ADCY9: variants seen among roughly 807,000 people sequenced by gnomAD.
ADCY9 encodes adenylate cyclase type 9.
Under a neutral mutation model 101.5 loss-of-function variants are expected in ADCY9, and 50 were observed. That is an observed-to-expected ratio of 0.49 (90% CI 0.39 to 0.62). ADCY9 has a LOEUF of 0.62. Among genes scored for constraint, ADCY9 ranks in the 20% least tolerant of loss-of-function variants. The pLI, the probability that ADCY9 is intolerant of heterozygous loss-of-function variation, is 0.00. For missense variants in ADCY9, 1,662 were observed against 1,800.4 expected, an observed-to-expected ratio of 0.92 and a Z score of 1.39; for synonymous variants, 905 against 769.3, an observed-to-expected ratio of 1.18 and a Z score of -2.92.
intron 3 of ADCY9, among the ~76,000 whole-genome samples, chr16:3,994,411 C>CT (rs1467290077): frequency 3.9e-5 from 6 of 152,150 alleles, no homozygotes; most frequent in African/African-American, 1.4e-4. Context: ...CACAACCTTG[C>CT]TAAATATACT....
intron 2 of ADCY9, among the ~76,000 whole-genome samples, chr16:4,033,477 A>G (rs896448142): frequency 2.1e-5 from 3 of 141,440 alleles, no homozygotes; most frequent in African/African-American, 8.2e-5. Context: ...CTCTGTCGCC[A>G]GGCCAGAGTG....
Position 4,114,619 on chromosome 16 carries a change from C to T in ADCY9, c.824G>A (p.Gly275Glu). 6.2e-7 allele frequency: 1 copy of T among 1,613,698 alleles called. No homozygotes were observed. The highest frequency in any genetic ancestry group is 1.1e-5 in the South Asian group (1 of 91,084). The change falls in exon 2 of 11, where the codon GGG becomes GAG. Residue 275 changes from glycine to glutamate, a missense_variant. Gly to Glu is a moderately conservative substitution (Grantham distance 98). Around this residue, in one of 5 missense-constraint regions of ADCY9, gnomAD observed 422 missense variants for 392.0 expected, o/e 1.08. Coordinates refer to ENST00000294016, the MANE Select transcript of ADCY9 (RefSeq NM_001116.4). The surrounding 1 kb of genome is among the most constrained non-coding windows in gnomAD (Gnocchi z 4.3). ...DEACFPSPGA[G>E]ALHWELLSRG... ...GCTCAGCAGCTCCCAGTGCAGGGCC[C>T]CGGCTCCGGGCGAGGGGAAGCAGGC...
chr16:4,076,473 T>C (rs2056867878), intron 2 of ADCY9, among the ~76,000 whole-genome samples: 1 of 152,166 alleles, frequency 6.6e-6, no homozygotes, highest in South Asian at 2.1e-4. Context: ...ACCTAACTCG[T>C]CCCACACAAA....
chr16:4,097,581 T>G, intron 2 of ADCY9, among the ~76,000 whole-genome samples: 1 of 116,490 alleles, frequency 8.6e-6, no homozygotes, highest in South Asian at 3.0e-4. Flanking sequence ...TAAGACAGAG[T>G]CTTGCTCTGT....
intron 2 of ADCY9, among the ~76,000 whole-genome samples, chr16:4,105,696 A>T (rs887857840): frequency 1.3e-5 from 2 of 151,444 alleles, no homozygotes; most frequent in African/African-American, 4.9e-5. Context: ...AAAAAAAAAA[A>T]AATTAGTTGG....
chr16:3,955,097 C>T (rs1301368550), intron 5 of ADCY9, among the ~76,000 whole-genome samples: 2 of 151,966 alleles, frequency 1.3e-5, no homozygotes, highest in Non-Finnish European at 2.9e-5. Flanking sequence ...TAAATAGTGA[C>T]CCAGAAGAAT....
intron 7 of ADCY9, chr16:3,982,266 G>C (rs562984778): frequency 1.3e-5 from 2 of 152,620 alleles, no homozygotes; most frequent in African/African-American, 4.8e-5. Flanking sequence ...CAGCATTCCG[G>C]CGCCTCACGC....
At chr16:4,085,104 G>A (rs2056929175) in intron 2 of ADCY9, among the ~76,000 whole-genome samples, 1 of 152,156 alleles carries the variant, frequency 6.6e-6, no homozygotes, top group Non-Finnish European at 1.5e-5. Flanking sequence ...GCTCACGCCT[G>A]TAATCCCAGC....
intron 5 of ADCY9, among the ~76,000 whole-genome samples, chr16:3,989,637 C>T (rs1178999859): frequency 6.6e-6 from 1 of 152,218 alleles, no homozygotes; most frequent in Non-Finnish European, 1.5e-5. Flanking sequence ...ATCTCGGCCT[C>T]CCAAAGTGCT....
At chr16:4,079,652 A>G (rs1020774010) in intron 2 of ADCY9, among the ~76,000 whole-genome samples, 3 of 152,004 alleles carry the variant, frequency 2.0e-5, no homozygotes, top group African/African-American at 7.2e-5. Context: ...AATGGTGTTT[A>G]ATGGTGTTAA....
At chr16:4,029,251 A>C (rs2056538420) in intron 2 of ADCY9, among the ~76,000 whole-genome samples, 1 of 152,274 alleles carries the variant, frequency 6.6e-6, no homozygotes, top group Admixed American at 6.5e-5. Context: ...GAAATAGGAC[A>C]AAAAAAGTCC....
At chr16:4,097,541 ATATATATATATAT>A (rs1195597228) in intron 2 of ADCY9, among the ~76,000 whole-genome samples, 38 of 48,200 alleles carry the variant, frequency 7.9e-4, no homozygotes, top group African/African-American at 4.4e-3. Context: ...ATATATATAT[ATATATATATATAT>A]TTTTTTTTTT....
At chr16:4,021,673 C>T (rs1224564662) in intron 2 of ADCY9, among the ~76,000 whole-genome samples, 1 of 152,220 alleles carries the variant, frequency 6.6e-6, no homozygotes, top group Admixed American at 6.5e-5. Flanking sequence ...CTTCCTGACA[C>T]AAATGGAGGT....
At position 4,056,750 on chromosome 16, in the gene ADCY9, A is replaced by G. The variant is rs542166229; in HGVS notation, c.1694-49192T>C. Among the ~76,000 whole-genome samples the G allele has an allele frequency of 5.5e-4, 84 of 152,328 alleles. 2 individuals carry two copies. In the South Asian group the frequency reaches 6.2e-3, roughly 11 times the overall value. Reference sequence around the variant, plus strand: ...CTCAGCACTGTGCCTAGTGCATAGTAAGACTTCAACAAATATGTGCTGTTG... The same window carrying G: ...CTCAGCACTGTGCCTAGTGCATAGTGAGACTTCAACAAATATGTGCTGTTG... On this transcript the variant is annotated intron_variant, in intron 2 of 10. Transcript: ENST00000294016.
chr16:3,968,914 C>T (rs375637307), intron 10 of ADCY9, among the ~76,000 whole-genome samples: 7 of 151,984 alleles, frequency 4.6e-5, no homozygotes, highest in African/African-American at 4.8e-5. Flanking sequence ...GGCGTGATCT[C>T]GCCTCACCAC....
Position 4,114,150 on chromosome 16 carries a change from C to A in ADCY9, c.1293G>T (p.Glu431Asp), listed in dbSNP as rs751721888. ...DLFGRFDRLC[E>D]ETKCEKISTL... ...TGCTGATTTTCTCACACTTGGTCTC[C>A]TCACACAGGCGGTCGAAGCGACCGA... is the stretch of plus-strand genomic sequence containing the variant. The change falls in exon 2 of 11, where the codon GAG becomes GAT. Residue 431 changes from glutamate to aspartate, a missense_variant. This residue lies in a region of ADCY9 where 228 missense variants were observed against 301.1 expected (regional missense o/e 0.76). Coordinates refer to ENST00000294016, the MANE Select transcript of ADCY9 (RefSeq NM_001116.4). This position sits in a 1 kb window ranked among gnomAD's most constrained non-coding sequence, Gnocchi z 4.3. The A allele has an allele frequency of 3.7e-6, 6 of 1,613,794 alleles. No homozygotes were observed. Among genetic ancestry groups the A allele is most frequent in the Non-Finnish European group, 5.1e-6 (6 of 1,180,050 alleles).
chr16:3,988,964 T>C (rs1223170758), intron 6 of ADCY9, 30 bp downstream of exon 6: 5 of 1,522,556 alleles, frequency 3.3e-6, no homozygotes, highest in South Asian at 2.2e-5. Context: ...ACACATTCTT[T>C]AGTAAAAGCG....
At position 3,964,147 on chromosome 16, in the gene ADCY9, T is replaced by G. The variant is rs913866215; in HGVS notation, c.*1628A>C. 1 of 152,264 alleles carries G rather than the reference T, an allele frequency of 6.6e-6. No homozygotes were observed. Among genetic ancestry groups the G allele is most frequent in the Non-Finnish European group, 1.5e-5 (1 of 68,084 alleles). 9.4% of individuals were successfully genotyped at this position (152,264 alleles called of 1,614,324 possible). A position where few individuals can be genotyped will look rare whatever the true frequency, so the allele number is the denominator to read the frequency against. On this transcript the variant is annotated 3_prime_UTR_variant, in exon 11 of 11. Coordinates refer to ENST00000294016, the MANE Select transcript of ADCY9 (RefSeq NM_001116.4). ...GAGGAGTAGTGATGATGGGGACTGA[T>G]GCGGTGTGAAAACGAGACAGTGAGA...
intron 2 of ADCY9, chr16:4,032,017 G>A (rs1474518172): frequency 1.3e-5 from 2 of 151,356 alleles, no homozygotes; most frequent in Admixed American, 6.6e-5. Flanking sequence ...CAAAAAGTCC[G>A]GGCGCAGTGG....
Sources: allele counts gnomAD v4.1 joint callset (sites outside exome capture counted in the v4.1 genomes callset), GRCh38; gene constraint gnomAD v4.1.1; regional missense constraint gnomAD v4.1.1; non-coding constraint Gnocchi (gnomAD v3.1); transcripts MANE v1.5; gene names NCBI Gene and HGNC (gene_info 2026-07-23, HGNC 2026-07-21).